PPP1R12B: variants seen among roughly 807,000 people sequenced by gnomAD.
PPP1R12B encodes myosin phosphatase target subunit 2.
A neutral mutation model predicts 126.1 loss-of-function variants in PPP1R12B; 76 were observed. The ratio of observed to expected loss-of-function variants is 0.60; its 90% CI spans 0.50 to 0.73. PPP1R12B has a LOEUF of 0.73. Ranked by LOEUF, PPP1R12B falls within the 30% of genes least tolerant of loss-of-function variation. The pLI, the probability that PPP1R12B is intolerant of heterozygous loss-of-function variation, is 0.00. For synonymous variants in PPP1R12B, 356 were observed against 434.7 expected, an observed-to-expected ratio of 0.82 and a Z score of 2.25; for missense variants, 1,052 against 1,205.1, an observed-to-expected ratio of 0.87 and a Z score of 1.88.
At chr1:202,375,768 T>C (rs1202714595) in intron 1 of PPP1R12B, among the ~76,000 whole-genome samples, 3 of 152,232 alleles carry the variant, frequency 2.0e-5, no homozygotes, top group Non-Finnish European at 4.4e-5. Context: ...TTGCCCAGGC[T>C]GGTCTCAAAT....
At chr1:202,384,924 C>T (rs2148501738) in intron 1 of PPP1R12B, among the ~76,000 whole-genome samples, 1 of 152,336 alleles carries the variant, frequency 6.6e-6, no homozygotes, top group African/African-American at 2.4e-5. Flanking sequence ...GAAAGCTCTA[C>T]ATTTCCACTT....
At chr1:202,371,423 C>T (rs1174443538) in intron 1 of PPP1R12B, among the ~76,000 whole-genome samples, 1 of 151,946 alleles carries the variant, frequency 6.6e-6, no homozygotes, top group Non-Finnish European at 1.5e-5. Flanking sequence ...TTTTAATTTA[C>T]ACTTCTGCAA....
intron 13 of PPP1R12B, among the ~76,000 whole-genome samples, chr1:202,464,662 C>T (rs1210698926): frequency 6.6e-6 from 1 of 152,152 alleles, no homozygotes; most frequent in Admixed American, 6.6e-5. Context: ...AGCCATTTAA[C>T]TTCTCTTGTT....
chr1:202,363,473 CAT>C (rs1263703675), intron 1 of PPP1R12B, among the ~76,000 whole-genome samples: 2 of 152,212 alleles, frequency 1.3e-5, no homozygotes, highest in Non-Finnish European at 2.9e-5. Flanking sequence ...TAAGGATAAA[CAT>C]GTGCATTCTT....
At chr1:202,494,320 A>G (rs185431217) in intron 15 of PPP1R12B, among the ~76,000 whole-genome samples, 5 of 152,314 alleles carry the variant, frequency 3.3e-5, no homozygotes, top group Admixed American at 2.0e-4. Context: ...TCTCTGTTTT[A>G]TAGATGAGGA....
At chr1:202,453,642 TAC>T (rs955318610) in intron 13 of PPP1R12B, among the ~76,000 whole-genome samples, 7 of 151,932 alleles carry the variant, frequency 4.6e-5, no homozygotes, top group Non-Finnish European at 7.4e-5. Context: ...CAAGATACAA[TAC>T]AAATCGAACT....
At chr1:202,530,288 C>T (rs906015491) in intron 18 of PPP1R12B, among the ~76,000 whole-genome samples, 1 of 152,120 alleles carries the variant, frequency 6.6e-6, no homozygotes, top group African/African-American at 2.4e-5. Context: ...CAATCAGTGT[C>T]CCCACATATT....
At chr1:202,394,526 G>A (rs1166938551) in intron 1 of PPP1R12B, among the ~76,000 whole-genome samples, 4 of 152,006 alleles carry the variant, frequency 2.6e-5, no homozygotes, top group Non-Finnish European at 5.9e-5. Context: ...AGGCCAAGGC[G>A]AGCGGATCAC....
At chr1:202,389,129 G>A (rs1188966956) in intron 1 of PPP1R12B, among the ~76,000 whole-genome samples, 1 of 152,074 alleles carries the variant, frequency 6.6e-6, no homozygotes, top group Non-Finnish European at 1.5e-5. Flanking sequence ...GAATCAAATA[G>A]TTAATATAAT....
chr1:202,451,772 C>T (rs1288343678), intron 13 of PPP1R12B, among the ~76,000 whole-genome samples: 5 of 151,606 alleles, frequency 3.3e-5, no homozygotes, highest in South Asian at 4.2e-4. Flanking sequence ...CCCGACCTCC[C>T]GGACGGGGCG....
chr1:202,577,959 G>T (rs372611266), intron 23 of PPP1R12B, among the ~76,000 whole-genome samples: 1 of 152,132 alleles, frequency 6.6e-6, no homozygotes, highest in African/African-American at 2.4e-5. Context: ...TACTTATATC[G>T]TACTTTCACA....
chr1:202,502,796 C>T (rs1274428175), intron 18 of PPP1R12B: 1 of 152,008 alleles, frequency 6.6e-6, no homozygotes, highest in Non-Finnish European at 1.5e-5. Context: ...TTAAAGGAAG[C>T]AAGGTGGGAA....
At chr1:202,453,650 G>T (rs537958941) in intron 13 of PPP1R12B, among the ~76,000 whole-genome samples, 1 of 150,906 alleles carries the variant, frequency 6.6e-6, no homozygotes, top group African/African-American at 2.4e-5. Flanking sequence ...AATACAAATC[G>T]AACTTTTTAT....
In PPP1R12B at chr1:202,561,091, A is replaced by G. The variant is rs576425258; in HGVS notation, c.2508-1687A>G. On this transcript the variant is annotated intron_variant, in intron 19 of 23. Coordinates refer to ENST00000608999, the MANE Select transcript of PPP1R12B (RefSeq NM_002481.4). ...CTACTACAATAAGAAAAAGATGATTACCCTACTGAACAAAGGCTATGAATT... is the reference window on the plus strand; with the variant it reads ...CTACTACAATAAGAAAAAGATGATTGCCCTACTGAACAAAGGCTATGAATT... Among the ~76,000 whole-genome samples, 4 of 152,050 alleles carry G rather than the reference A, an allele frequency of 2.6e-5. No individual in the cohort carries two copies. In the East Asian group the frequency reaches 7.7e-4, roughly 29 times the overall value.
At chr1:202,576,761 G>A (rs977984651) in intron 23 of PPP1R12B, 2 of 151,836 alleles carry the variant, frequency 1.3e-5, no homozygotes, top group African/African-American at 2.4e-5. Flanking sequence ...ATTTATTTAA[G>A]GCCTGTGCTG....
chr1:202,350,993 A>G (rs1655865008), intron 1 of PPP1R12B, among the ~76,000 whole-genome samples: 1 of 152,174 alleles, frequency 6.6e-6, no homozygotes, highest in South Asian at 2.1e-4. Context: ...TAAATGCAAT[A>G]TAAGCATTCC....
intron 1 of PPP1R12B, among the ~76,000 whole-genome samples, chr1:202,355,441 G>A (rs895138770): frequency 4.0e-4 from 61 of 152,310 alleles, no homozygotes; most frequent in African/African-American, 1.4e-3. Flanking sequence ...AAGGACAAAC[G>A]AAGGCAGTCC....
At chr1:202,373,663 G>A (rs1186746140) in intron 1 of PPP1R12B, among the ~76,000 whole-genome samples, 1 of 148,088 alleles carries the variant, frequency 6.8e-6, no homozygotes, top group South Asian at 2.1e-4. Context: ...AGATATCTTT[G>A]TTTTTTTTTT....
chr1:202,576,762 G>T (rs925221778), intron 23 of PPP1R12B: 1 of 151,626 alleles, frequency 6.6e-6, no homozygotes, highest in Admixed American at 6.6e-5. Flanking sequence ...TTTATTTAAG[G>T]CCTGTGCTGA....
Sources: allele counts gnomAD v4.1 joint callset (sites outside exome capture counted in the v4.1 genomes callset), GRCh38; gene constraint gnomAD v4.1.1; transcripts MANE v1.5; gene names NCBI Gene and HGNC (gene_info 2026-07-23, HGNC 2026-07-21).